ZFHX3: variants seen among roughly 807,000 people sequenced by gnomAD.
ZFHX3 encodes the protein zinc finger homeobox 3, also known as zinc finger homeobox protein 3.
ZFHX3 carries 42 observed loss-of-function variants against 279.1 expected under a neutral mutation model. That is an observed-to-expected ratio of 0.15 (90% CI 0.12 to 0.19). The LOEUF is 0.19. Ranked by LOEUF, ZFHX3 falls within the 10% of genes least tolerant of loss-of-function variation. ZFHX3 has a pLI of 1.00. For missense variants in ZFHX3, 4,981 were observed against 4,754.0 expected, an observed-to-expected ratio of 1.05 and a Z score of -1.40; for synonymous variants, 2,293 against 1,957.8, an observed-to-expected ratio of 1.17 and a Z score of -4.52.
chr16:73,398,003 C>T (rs935554654), intron 3 of ZFHX3, among the ~76,000 whole-genome samples: 6 of 152,102 alleles, frequency 3.9e-5, no homozygotes, highest in African/African-American at 1.4e-4. Context: ...GGCCACCATG[C>T]CCGGCTAATT....
At chr16:73,698,072 T>C (rs2053214026) in intron 1 of ZFHX3, among the ~76,000 whole-genome samples, 1 of 151,888 alleles carries the variant, frequency 6.6e-6, no homozygotes, top group African/African-American at 2.4e-5. Flanking sequence ...ACATAGGAAA[T>C]GATAAAGTTT....
chr16:72,946,078 C>A (rs73592706), intron 3 of ZFHX3, among the ~76,000 whole-genome samples: 1 of 152,172 alleles, frequency 6.6e-6, no homozygotes, highest in Non-Finnish European at 1.5e-5. Flanking sequence ...AGGGAAAGAA[C>A]TGAAAAGATG....
chr16:73,469,515 C>G (rs184362854), intron 2 of ZFHX3, among the ~76,000 whole-genome samples: 3 of 152,174 alleles, frequency 2.0e-5, no homozygotes, highest in Non-Finnish European at 4.4e-5. Flanking sequence ...CTATGTTAAC[C>G]TGGTGTCACT....
chr16:73,456,975 G>A (rs962065125), intron 2 of ZFHX3, among the ~76,000 whole-genome samples: 2 of 152,190 alleles, frequency 1.3e-5, no homozygotes, highest in African/African-American at 4.8e-5. Flanking sequence ...AGAAGGGTCT[G>A]GGGCTGTTGA....
At chr16:73,066,880 C>T (rs1334339136) in intron 8 of ZFHX3, among the ~76,000 whole-genome samples, 1 of 152,170 alleles carries the variant, frequency 6.6e-6, no homozygotes, top group African/African-American at 2.4e-5. Flanking sequence ...TCCCCCCAGC[C>T]CCGCGGGATA....
intron 5 of ZFHX3, among the ~76,000 whole-genome samples, chr16:73,163,701 AG>A (rs1202785009): frequency 6.6e-6 from 1 of 152,178 alleles, no homozygotes; most frequent in East Asian, 1.9e-4. Flanking sequence ...TGTGTATGTG[AG>A]GGGGTAGCTT....
chr16:73,855,311 T>C (rs1315104516), intron 1 of ZFHX3, among the ~76,000 whole-genome samples: 2 of 148,024 alleles, frequency 1.4e-5, no homozygotes, highest in African/African-American at 4.9e-5. Context: ...CAAAATGTAA[T>C]TTACTTGCAT....
intron 7 of ZFHX3, among the ~76,000 whole-genome samples, chr16:73,118,307 CA>C (rs1966456237): frequency 6.6e-6 from 1 of 152,162 alleles, no homozygotes. Flanking sequence ...CTCCTAGGTT[CA>C]AGTGATTCTC....
intron 1 of ZFHX3, among the ~76,000 whole-genome samples, chr16:73,718,591 G>C (rs1247959092): frequency 6.7e-6 from 1 of 149,772 alleles, no homozygotes; most frequent in Non-Finnish European, 1.5e-5. Flanking sequence ...AATCATGTTT[G>C]TTTATGTATT....
chr16:73,395,820 C>T (rs1300481435), intron 3 of ZFHX3, among the ~76,000 whole-genome samples: 2 of 151,918 alleles, frequency 1.3e-5, no homozygotes, highest in Non-Finnish European at 2.9e-5. Context: ...GTATACAAGT[C>T]CCACGAATAG....
intron 1 of ZFHX3, among the ~76,000 whole-genome samples, chr16:73,768,279 G>C (rs530309355): frequency 6.6e-6 from 1 of 152,214 alleles, no homozygotes; most frequent in East Asian, 1.9e-4. Flanking sequence ...CCACTAACAT[G>C]GCCTACTCTG....
At chr16:73,857,981 G>A (rs146296807) in intron 1 of ZFHX3, among the ~76,000 whole-genome samples, 1,731 of 151,886 alleles carry the variant, frequency 0.011, 11 homozygotes, top group Middle Eastern at 0.027. Context: ...CTGTAGTACC[G>A]GCTACTCGGG....
intron 5 of ZFHX3, among the ~76,000 whole-genome samples, chr16:73,253,454 T>TA (rs2013570483): frequency 7.6e-5 from 1 of 13,106 alleles, no homozygotes; most frequent in Middle Eastern, 0.05. Flanking sequence ...TCTTTCTTTC[T>TA]CTTTTTTTTT....
chr16:73,676,829 A>T (rs1046420442), intron 2 of ZFHX3, among the ~76,000 whole-genome samples: 1 of 151,952 alleles, frequency 6.6e-6, no homozygotes, highest in African/African-American at 2.4e-5. Flanking sequence ...AGTATTAGAG[A>T]AATAAAAATG....
intron 3 of ZFHX3, among the ~76,000 whole-genome samples, chr16:73,337,203 T>C (rs1029746183): frequency 1.3e-5 from 2 of 152,210 alleles, no homozygotes; most frequent in African/African-American, 4.8e-5. Context: ...GTGCTCCTAA[T>C]CTGACCCAAC....
At chr16:73,882,435 A>G (rs943301543) in intron 1 of ZFHX3, among the ~76,000 whole-genome samples, 1 of 152,114 alleles carries the variant, frequency 6.6e-6, no homozygotes, top group East Asian at 1.9e-4. Flanking sequence ...GTGAACTTAT[A>G]TTTAAGAAGA....
intron 2 of ZFHX3, among the ~76,000 whole-genome samples, chr16:73,646,864 A>C (rs2052622584): frequency 6.6e-6 from 1 of 152,228 alleles, no homozygotes; most frequent in Non-Finnish European, 1.5e-5. Flanking sequence ...CCAGTTTTAT[A>C]AGTGAGCTCG....
In ZFHX3 at chr16:73,129,648, G is replaced by A. The variant is rs558201930; in HGVS notation, c.-897+1320C>T. ...GATGTGTGCGTGTGTGCGTGTGCGTGTGTGCATGTATGTGTGCCCACGCCT... is the reference window on the plus strand; with the variant it reads ...GATGTGTGCGTGTGTGCGTGTGCGTATGTGCATGTATGTGTGCCCACGCCT... On this transcript the variant is annotated intron_variant, in intron 7 of 17. Transcript: ENST00000641206. 5.1e-3 allele frequency among the ~76,000 whole-genome samples: 754 copies of A among 146,420 alleles called. 10 individuals carry two copies. Among genetic ancestry groups the A allele is most frequent in the African/African-American group, 0.02 (714 of 36,148 alleles).
chr16:73,878,719 G>A (rs1414608686), intron 1 of ZFHX3, among the ~76,000 whole-genome samples: 1 of 151,460 alleles, frequency 6.6e-6, no homozygotes, highest in East Asian at 1.9e-4. Context: ...AGTATTTAAT[G>A]CAAGAGGGAG....
Sources: allele counts gnomAD v4.1 joint callset (sites outside exome capture counted in the v4.1 genomes callset), GRCh38; gene constraint gnomAD v4.1.1; transcripts MANE v1.5; gene names NCBI Gene and HGNC (gene_info 2026-07-23, HGNC 2026-07-21).